The following MMS22L variants were observed in gnomAD, a reference collection of about 807,000 sequenced individuals.
MMS22L encodes the protein MMS22 like, DNA repair protein, also known as protein MMS22-like.
MMS22L carries 74 observed loss-of-function variants against 159.1 expected under a neutral mutation model. The ratio of observed to expected loss-of-function variants is 0.47; its 90% CI spans 0.39 to 0.56. The LOEUF (loss-of-function observed/expected upper bound fraction) is 0.56, where lower values mean the gene tolerates loss of function less well. MMS22L is among the 20% of genes least tolerant of loss of function. The pLI is 0.00. For synonymous variants in MMS22L, 517 were observed against 506.9 expected, an observed-to-expected ratio of 1.02 and a Z score of -0.27; for missense variants, 1,351 against 1,422.1, an observed-to-expected ratio of 0.95 and a Z score of 0.80.
At chr6:97,160,677 A>T (rs1200098326) in intron 22 of MMS22L, among the ~76,000 whole-genome samples, 2 of 151,966 alleles carry the variant, frequency 1.3e-5, no homozygotes, top group Non-Finnish European at 2.9e-5. Context: ...TTTAGAAATT[A>T]TATTTTATTT....
chr6:97,259,697 TTATATATA>T (rs56659706), intron 9 of MMS22L: 5 of 148,938 alleles, frequency 3.4e-5, no homozygotes, highest in African/African-American at 7.4e-5. Flanking sequence ...ATAATAAATC[TTATATATA>T]TATATATATC....
At chr6:97,228,311 T>A (rs1213876808) in intron 14 of MMS22L, among the ~76,000 whole-genome samples, 1 of 152,204 alleles carries the variant, frequency 6.6e-6, no homozygotes, top group African/African-American at 2.4e-5. Context: ...TAGTTCTGCA[T>A]CTTGTGTTTG....
At chr6:97,168,377 T>C in intron 19 of MMS22L, 137 bp from the exon 20 acceptor site, 1 of 662,204 alleles carries the variant, frequency 1.5e-6, no homozygotes, top group African/African-American at 1.9e-5. Context: ...ATAGTAGAAG[T>C]AACAAATATT....
At chr6:97,183,636 C>T (rs1202224184) in intron 15 of MMS22L, among the ~76,000 whole-genome samples, 1 of 152,134 alleles carries the variant, frequency 6.6e-6, no homozygotes, top group African/African-American at 2.4e-5. Context: ...TGACTTAATA[C>T]TTCACAGAGA....
In MMS22L at chr6:97,282,522, A is replaced by G; in HGVS notation, c.-45T>C. 9.6e-7 allele frequency: 1 copy of G among 1,045,612 alleles called. No homozygotes were observed. Among genetic ancestry groups the G allele is most frequent in the Non-Finnish European group, 1.3e-6 (1 of 783,890 alleles). The allele number at this position is 1,045,612 out of a possible 1,614,324, so 64.8% of individuals were successfully genotyped here. On this transcript the variant is annotated 5_prime_UTR_variant, in exon 2 of 25. Coordinates refer to ENST00000683635, the MANE Select transcript of MMS22L (RefSeq NM_001350599.2). ...AACACTTGGGGTTCGTCGTATCATT[A>G]AGGGCTCCAAAGAGAAGGTGTGAAG... is the stretch of plus-strand genomic sequence containing the variant.
chr6:97,152,517 T>C (rs774653508), intron 22 of MMS22L, among the ~76,000 whole-genome samples: 7 of 152,152 alleles, frequency 4.6e-5, no homozygotes, highest in Non-Finnish European at 1.0e-4. Flanking sequence ...TGAATGCTAC[T>C]AAATTCTTAT....
intron 8 of MMS22L, chr6:97,264,281 T>C (rs1470179689): frequency 1.3e-5 from 2 of 152,144 alleles, no homozygotes; most frequent in Non-Finnish European, 2.9e-5. Context: ...TTTGATTCAC[T>C]GTAAACAGAG....
At chr6:97,238,591 G>GTT (rs1554272928) in intron 11 of MMS22L, among the ~76,000 whole-genome samples, 169 of 149,308 alleles carry the variant, frequency 1.1e-3, no homozygotes, top group African/African-American at 2.6e-3. Context: ...GTGTGTGTGT[G>GTT]TGTGTGTGTG....
At chr6:97,252,227 G>C (rs1351142551) in intron 10 of MMS22L, among the ~76,000 whole-genome samples, 1 of 152,038 alleles carries the variant, frequency 6.6e-6, no homozygotes, top group Non-Finnish European at 1.5e-5. Flanking sequence ...ATATCTGGCG[G>C]GGTCAATATC....
intron 9 of MMS22L, among the ~76,000 whole-genome samples, chr6:97,257,381 C>T (rs1813935235): frequency 1.3e-5 from 2 of 152,314 alleles, no homozygotes; most frequent in Non-Finnish European, 2.9e-5. Context: ...AAGCGTTCCT[C>T]AGACTATACC....
chr6:97,271,232 TA>T (rs1284528769), intron 6 of MMS22L: 7 of 152,138 alleles, frequency 4.6e-5, no homozygotes, highest in African/African-American at 1.7e-4. Flanking sequence ...TGTGATTTTT[TA>T]TTTTTTGAAG....
chr6:97,278,164 G>A (rs1296205544), intron 4 of MMS22L, among the ~76,000 whole-genome samples: 1 of 152,092 alleles, frequency 6.6e-6, no homozygotes, highest in Non-Finnish European at 1.5e-5. Flanking sequence ...AGCACTTCAG[G>A]AGGCCAAGGC....
chr6:97,283,894 T>TTGAAATACTCTAAATATTTGGAAA (rs1554282878), upstream of MMS22L, among the ~76,000 whole-genome samples: 1 of 152,194 alleles, frequency 6.6e-6, no homozygotes, highest in Non-Finnish European at 1.5e-5. Flanking sequence ...AAGTAGATAC[T>TTGAAATACTCTAAATATTTGGAAA]TGAAATACTC....
intron 22 of MMS22L, among the ~76,000 whole-genome samples, chr6:97,157,705 G>A (rs1206138): frequency 0.45 from 68,069 of 151,964 alleles, 15,415 homozygotes; most frequent in South Asian, 0.53. Flanking sequence ...TTGATGTGCT[G>A]CTGGCTTCGG....
chr6:97,270,873 T>C (rs750489976), intron 6 of MMS22L: 2 of 152,128 alleles, frequency 1.3e-5, no homozygotes, highest in Admixed American at 1.3e-4. Context: ...CCTCACTGCA[T>C]GTTTAAAAAT....
Position 97,151,825 on chromosome 6 carries a change from G to A in MMS22L, c.3428C>T (p.Ala1143Val). 6.2e-7 allele frequency: 1 copy of A among 1,613,598 alleles called. No individual in the cohort carries two copies. Among genetic ancestry groups the A allele is most frequent in the Non-Finnish European group, 8.5e-7 (1 of 1,179,658 alleles). The change falls in exon 23 of 25, where the codon GCC (alanine) becomes GTC (valine). Residue 1143 changes from alanine (A) to valine (V), a missense_variant. Ala to Val is a moderately conservative substitution (Grantham distance 64, BLOSUM62 0). Transcript: ENST00000683635. ...ATENLQYMVKACQVGSEEEPS... is the reference protein window; with the variant it reads ...ATENLQYMVKVCQVGSEEEPS... ...TTCTTCTTCTGACCCCACTTGGCAG[G>A]CTTTTACCATGTATTGCAGGTTCTC...
intron 14 of MMS22L, among the ~76,000 whole-genome samples, chr6:97,227,316 C>CT (rs1205833271): frequency 6.6e-6 from 1 of 152,186 alleles, no homozygotes; most frequent in Non-Finnish European, 1.5e-5. Flanking sequence ...TGCCCATACT[C>CT]TTTCTTCCTT....
chr6:97,184,974 C>A (rs1205576073), intron 15 of MMS22L, among the ~76,000 whole-genome samples: 1 of 152,160 alleles, frequency 6.6e-6, no homozygotes, highest in Non-Finnish European at 1.5e-5. Context: ...CTTTCTCATT[C>A]CACATGAGCC....
chr6:97,182,110 C>T, intron 15 of MMS22L, 56 bp from the exon 16 acceptor site: 1 of 1,438,742 alleles, frequency 7.0e-7, no homozygotes, highest in South Asian at 1.3e-5. Flanking sequence ...CCATTTCTGA[C>T]CCACACACCC....
Sources: gnomAD v4.1 joint callset for allele counts (sites outside exome capture counted in the v4.1 genomes callset) on GRCh38, gnomAD v4.1.1 for gene constraint, MANE v1.5 for transcripts, NCBI Gene and HGNC (gene_info 2026-07-23, HGNC 2026-07-21) for gene names.